RYR2: variants seen among roughly 807,000 people sequenced by gnomAD.
RYR2 encodes ryanodine receptor 2, also known as cardiac muscle ryanodine receptor-calcium release channel.
A neutral mutation model predicts 601.1 loss-of-function variants in RYR2; 227 were observed. The observed-to-expected ratio is 0.38, with a 90% CI of 0.34 to 0.42. The LOEUF is 0.42. Ranked by LOEUF, RYR2 falls within the 10% of genes least tolerant of loss-of-function variation. The pLI is 1.00. For missense variants in RYR2, 4,646 were observed against 6,156.5 expected (o/e 0.75, Z 8.21); for synonymous variants, 2,223 against 2,175.1 (o/e 1.02, Z -0.61).
intron 2 of RYR2, among the ~76,000 whole-genome samples, chr1:237,314,065 T>TTC (rs1377352237): frequency 2.6e-5 from 3 of 115,352 alleles, no homozygotes; most frequent in Non-Finnish European, 3.3e-5. Flanking sequence ...ATGAATTTCT[T>TTC]TTTTTTTTTT....
chr1:237,151,453 A>T (rs1674698406), intron 1 of RYR2, among the ~76,000 whole-genome samples: 1 of 152,164 alleles, frequency 6.6e-6, no homozygotes, highest in African/African-American at 2.4e-5. Flanking sequence ...ATTTAGCAAT[A>T]ATTCAAATTA....
intron 25 of RYR2, among the ~76,000 whole-genome samples, chr1:237,533,414 T>C (rs1668317427): frequency 6.6e-6 from 1 of 152,152 alleles, no homozygotes; most frequent in African/African-American, 2.4e-5. Flanking sequence ...CATAGAGATA[T>C]ACCCTAGAGA....
At chr1:237,112,393 C>G (rs996202530) in intron 1 of RYR2, among the ~76,000 whole-genome samples, 1 of 152,132 alleles carries the variant, frequency 6.6e-6, no homozygotes, top group Non-Finnish European at 1.5e-5. Flanking sequence ...GGATTACAGG[C>G]GTGAGCCACC....
intron 58 of RYR2, among the ~76,000 whole-genome samples, chr1:237,669,765 T>C (rs1277715509): frequency 3.7e-5 from 5 of 136,378 alleles, no homozygotes; most frequent in South Asian, 2.4e-4. Flanking sequence ...ACTTCCTAGA[T>C]GGGATGGCGG....
At chr1:237,556,246 C>T (rs990526242) in intron 27 of RYR2, among the ~76,000 whole-genome samples, 4 of 150,410 alleles carry the variant, frequency 2.7e-5, no homozygotes, top group African/African-American at 9.7e-5. Context: ...CATTTTACTT[C>T]CATATTTGCA....
intron 56 of RYR2, 40 bp from the exon 57 acceptor site, chr1:237,666,472 G>T: frequency 6.4e-7 from 1 of 1,557,720 alleles, no homozygotes; most frequent in Admixed American, 1.8e-5. Flanking sequence ...TCTTCACAAG[G>T]TTTTTAATGA....
chr1:237,395,533 C>CTTTGTTTTTTTTTT (rs1702750255), intron 10 of RYR2, among the ~76,000 whole-genome samples: 1 of 87,428 alleles, frequency 1.1e-5, no homozygotes, highest in African/African-American at 4.6e-5. Context: ...GTAGGACTGT[C>CTTTGTTTTTTTTTT]TTTTTTTTTT....
intron 1 of RYR2, among the ~76,000 whole-genome samples, chr1:237,194,975 A>G (rs1680391971): frequency 6.6e-6 from 1 of 152,198 alleles, no homozygotes; most frequent in Non-Finnish European, 1.5e-5. Context: ...AGTGGCTCAC[A>G]CAGTGCCTGG....
At position 237,456,635 on chromosome 1, in the gene RYR2, T is replaced by G; in HGVS notation, c.1512T>G (p.Arg504=). Residue 504 remains arginine (R), a synonymous_variant, in exon 16 of 105, where the codon CGT becomes CGG. Coordinates refer to ENST00000366574, the MANE Select transcript of RYR2 (RefSeq NM_001035.3). ...ACCTCGTGCTTGAGTGCATAGACCG[T>G]TTGCACGTCTACAGCAGTGCAGCAC... The part of the protein sequence containing the change: ...MINLVLECID[R]LHVYSSAAHF... 2 of 1,608,798 alleles carry G rather than the reference T, an allele frequency of 1.2e-6. No homozygotes were observed. Among genetic ancestry groups the G allele is most frequent in the South Asian group, 2.2e-5 (2 of 90,410 alleles).
At chr1:237,383,287 C>T (rs1701689031) in intron 8 of RYR2, among the ~76,000 whole-genome samples, 1 of 152,014 alleles carries the variant, frequency 6.6e-6, no homozygotes, top group South Asian at 2.1e-4. Flanking sequence ...GTGTCCCTTC[C>T]ATTTCTGAGA....
chr1:237,350,525 C>T (rs1338403452), intron 3 of RYR2, among the ~76,000 whole-genome samples: 2 of 126,198 alleles, frequency 1.6e-5, no homozygotes, highest in Non-Finnish European at 3.2e-5. Context: ...GAGCTGAGAT[C>T]GCACCACTGT....
chr1:237,348,942 A>G (rs553061123), intron 3 of RYR2, among the ~76,000 whole-genome samples: 1 of 152,340 alleles, frequency 6.6e-6, no homozygotes, highest in Admixed American at 6.5e-5. Flanking sequence ...ACTGAAAAAT[A>G]GATTAGTTGA....
chr1:237,281,425 A>G (rs1265133096), intron 2 of RYR2, among the ~76,000 whole-genome samples: 2 of 145,874 alleles, frequency 1.4e-5, no homozygotes, highest in Non-Finnish European at 3.0e-5. Flanking sequence ...AAAACTTAGG[A>G]AAACACTGAT....
intron 1 of RYR2, among the ~76,000 whole-genome samples, chr1:237,128,016 T>G (rs1225382446): frequency 1.3e-5 from 2 of 152,172 alleles, no homozygotes; most frequent in Non-Finnish European, 1.5e-5. Context: ...CTCGGCACTT[T>G]GGGAGGCCAA....
At chr1:237,759,479 G>T (rs926854663) in intron 82 of RYR2, among the ~76,000 whole-genome samples, 8 of 152,164 alleles carry the variant, frequency 5.3e-5, no homozygotes, top group Admixed American at 1.3e-4. Context: ...TAGAGTATCT[G>T]AATCACCAAA....
chr1:237,206,562 A>G (rs1211106218), intron 1 of RYR2, among the ~76,000 whole-genome samples: 7 of 152,208 alleles, frequency 4.6e-5, no homozygotes, highest in Non-Finnish European at 1.0e-4. Context: ...ATATAATACT[A>G]AAAGACTTAT....
intron 1 of RYR2, among the ~76,000 whole-genome samples, chr1:237,101,936 T>C (rs1668148140): frequency 6.6e-6 from 1 of 152,158 alleles, no homozygotes; most frequent in African/African-American, 2.4e-5. Context: ...TTGTTTAAAG[T>C]GTATTCGTAA....
chr1:237,593,795 A>C (rs1675507040), intron 33 of RYR2, among the ~76,000 whole-genome samples, 159 bp downstream of exon 33: 1 of 152,202 alleles, frequency 6.6e-6, no homozygotes. Context: ...ATTCATACAA[A>C]CCAGTTAAGG....
intron 3 of RYR2, among the ~76,000 whole-genome samples, chr1:237,352,207 G>A (rs1698914024): frequency 1.3e-5 from 2 of 151,994 alleles, no homozygotes; most frequent in South Asian, 2.1e-4. Flanking sequence ...GTTGAATAAA[G>A]TTGGGGAAAG....
Sources: allele counts gnomAD v4.1 joint callset (sites outside exome capture counted in the v4.1 genomes callset), GRCh38; gene constraint gnomAD v4.1.1; transcripts MANE v1.5; gene names NCBI Gene and HGNC (gene_info 2026-07-23, HGNC 2026-07-21).